EYA2: variants seen among roughly 807,000 people sequenced by gnomAD.
EYA2 encodes protein phosphatase EYA2.
Under a neutral mutation model 69.2 loss-of-function variants are expected in EYA2, and 31 were observed. The observed-to-expected ratio is 0.45, with a 90% confidence interval of 0.34 to 0.60. The LOEUF is 0.60. EYA2 is among the 20% of genes least tolerant of loss of function. EYA2 has a pLI of 0.02. For synonymous variants in EYA2, 257 were observed against 279.4 expected (o/e 0.92, Z 0.80); for missense variants, 622 against 701.2 (o/e 0.89, Z 1.28).
intron 15 of EYA2, among the ~76,000 whole-genome samples, chr20:47,185,265 T>G (rs1225024055): frequency 7.1e-6 from 1 of 141,728 alleles, no homozygotes; most frequent in Non-Finnish European, 1.5e-5. Context: ...CCCAGAAAAA[T>G]GAATCACACT....
intron 1 of EYA2, among the ~76,000 whole-genome samples, chr20:46,915,796 C>A (rs1984877455): frequency 6.6e-6 from 1 of 152,174 alleles, no homozygotes; most frequent in African/African-American, 2.4e-5. Flanking sequence ...CATGGCCACT[C>A]CCTTTAGCCA....
chr20:47,119,535 A>C (rs1364054558), intron 9 of EYA2, among the ~76,000 whole-genome samples: 2 of 152,240 alleles, frequency 1.3e-5, no homozygotes, highest in Non-Finnish European at 2.9e-5. Flanking sequence ...CAACACACTT[A>C]TGTCAAGTGA....
intron 1 of EYA2, among the ~76,000 whole-genome samples, chr20:46,932,925 C>A (rs1379858694): frequency 6.6e-6 from 1 of 152,108 alleles, no homozygotes; most frequent in Non-Finnish European, 1.5e-5. Context: ...GTCTCCCTCA[C>A]CACGACCACC....
At chr20:47,172,292 C>T (rs1027045002) in intron 11 of EYA2, among the ~76,000 whole-genome samples, 3 of 151,620 alleles carry the variant, frequency 2.0e-5, no homozygotes, top group African/African-American at 7.3e-5. Flanking sequence ...ATAAGTTAGC[C>T]AAGTGTGGTG....
At chr20:47,001,760 A>G (rs1356005114) in intron 3 of EYA2, among the ~76,000 whole-genome samples, 1 of 148,754 alleles carries the variant, frequency 6.7e-6, no homozygotes, top group East Asian at 2.0e-4. Context: ...AGTCTTAGCT[A>G]TTATTTTCTT....
At chr20:47,045,939 T>A (rs934512988) in intron 5 of EYA2, among the ~76,000 whole-genome samples, 69 of 152,230 alleles carry the variant, frequency 4.5e-4, no homozygotes, top group Non-Finnish European at 4.6e-4. Context: ...GTTGCTGTCC[T>A]CTTCTATACG....
chr20:47,132,921 C>G (rs1433896512), intron 9 of EYA2, among the ~76,000 whole-genome samples: 2 of 152,162 alleles, frequency 1.3e-5, no homozygotes, highest in African/African-American at 4.8e-5. Context: ...AAAGCTCGAC[C>G]ATTGCTAAGA....
chr20:47,078,890 G>A (rs1237027719), intron 7 of EYA2, among the ~76,000 whole-genome samples: 2 of 152,150 alleles, frequency 1.3e-5, no homozygotes, highest in Non-Finnish European at 2.9e-5. Flanking sequence ...AAAATGCATA[G>A]ACCTTTTAAC....
chr20:47,156,089 T>TAC (rs748282079), intron 10 of EYA2, among the ~76,000 whole-genome samples: 1,433 of 30,632 alleles, frequency 0.047, 109 homozygotes, highest in East Asian at 0.096. Flanking sequence ...TATATATACA[T>TAC]ACACACACAC....
At chr20:46,957,379 T>A (rs1206762) in intron 1 of EYA2, among the ~76,000 whole-genome samples, 4 of 152,158 alleles carry the variant, frequency 2.6e-5, no homozygotes, top group African/African-American at 4.8e-5. Context: ...TTCTTATCAC[T>A]GGAAACTGTA....
intron 4 of EYA2, among the ~76,000 whole-genome samples, chr20:47,006,783 A>T (rs1349350617): frequency 2.0e-5 from 3 of 152,176 alleles, no homozygotes. Context: ...CAGTGGCTCT[A>T]TGTGGACAAA....
chr20:46,953,293 C>T (rs957984831), intron 1 of EYA2, among the ~76,000 whole-genome samples: 45 of 152,064 alleles, frequency 3.0e-4, no homozygotes, highest in Non-Finnish European at 2.4e-4. Context: ...GAGAACTCCG[C>T]GGGTTAACCC....
intron 9 of EYA2, among the ~76,000 whole-genome samples, chr20:47,130,467 A>ATG (rs1214697058): frequency 6.6e-6 from 1 of 151,528 alleles, no homozygotes; most frequent in Non-Finnish European, 1.5e-5. Context: ...GGGTTTCACC[A>ATG]TGTCAGCCAG....
chr20:47,018,824 C>G (rs1052705992), intron 5 of EYA2, among the ~76,000 whole-genome samples: 1 of 152,226 alleles, frequency 6.6e-6, no homozygotes, highest in Admixed American at 6.5e-5. Context: ...TGCCTGAAAC[C>G]GCAGAGCCAA....
chr20:47,159,649 G>A (rs2034023830), intron 10 of EYA2, among the ~76,000 whole-genome samples: 1 of 152,052 alleles, frequency 6.6e-6, no homozygotes, highest in South Asian at 2.1e-4. Context: ...TGGGTGTGGG[G>A]TGTATGGGAA....
intron 1 of EYA2, among the ~76,000 whole-genome samples, chr20:46,911,191 T>G (rs1984625457): frequency 6.6e-6 from 1 of 152,120 alleles, no homozygotes; most frequent in Non-Finnish European, 1.5e-5. Flanking sequence ...AACACAGGGT[T>G]TCTCAACTTT....
At chr20:46,987,916 G>GTCTCTCTCTC (rs1555809755) in intron 1 of EYA2, among the ~76,000 whole-genome samples, 25 of 20,342 alleles carry the variant, frequency 1.2e-3, no homozygotes, top group East Asian at 3.4e-3. Context: ...GACAGAGTAA[G>GTCTCTCTCTC]TCTCTCTCTC....
intron 9 of EYA2, chr20:47,117,795 C>T (rs2032944153): frequency 2.9e-6 from 2 of 700,842 alleles, no homozygotes; most frequent in Non-Finnish European, 3.5e-6. Flanking sequence ...CTTCCTTTTC[C>T]CCCTTCTACC....
At chr20:47,074,471 C>A in intron 7 of EYA2, 136 bp downstream of exon 7, 1 of 880,694 alleles carries the variant, frequency 1.1e-6, no homozygotes, top group Non-Finnish European at 1.7e-6. Context: ...GAGAGCTTCT[C>A]TGAAGGAGGG....
Sources: allele counts gnomAD v4.1 joint callset (sites outside exome capture counted in the v4.1 genomes callset), GRCh38; gene constraint gnomAD v4.1.1; transcripts MANE v1.5; gene names NCBI Gene and HGNC (gene_info 2026-07-23, HGNC 2026-07-21).